ZFPM2: variants seen among roughly 807,000 people sequenced by gnomAD.
The protein encoded by ZFPM2 is zinc finger protein ZFPM2.
ZFPM2 carries 20 observed loss-of-function variants against 98.6 expected under a neutral mutation model. That is an observed-to-expected ratio of 0.20 (90% CI 0.14 to 0.29). The LOEUF (loss-of-function observed/expected upper bound fraction) is 0.29, where lower values mean the gene tolerates loss of function less well. Ranked by LOEUF, ZFPM2 falls within the 10% of genes least tolerant of loss-of-function variation. The probability of loss-of-function intolerance (pLI) is 1.00; values close to 1 mark genes in which losing one functional copy is unlikely to be tolerated. For synonymous variants in ZFPM2, 518 were observed against 502.7 expected (o/e 1.03, Z -0.41); for missense variants, 1,310 against 1,388.6 (o/e 0.94, Z 0.90).
chr8:105,464,557 C>T (rs1302114785), intron 3 of ZFPM2, among the ~76,000 whole-genome samples: 1 of 151,934 alleles, frequency 6.6e-6, no homozygotes, highest in Non-Finnish European at 1.5e-5. Flanking sequence ...AATGCAGGCT[C>T]CTGATGAGAC....
chr8:105,666,857 A>G (rs767331972), intron 5 of ZFPM2, among the ~76,000 whole-genome samples: 4 of 152,052 alleles, frequency 2.6e-5, no homozygotes, highest in Non-Finnish European at 4.4e-5. Flanking sequence ...TGATGGAGCA[A>G]TAAAATTTAA....
chr8:105,787,946 A>G (rs1429610643), intron 5 of ZFPM2, among the ~76,000 whole-genome samples: 1 of 152,210 alleles, frequency 6.6e-6, no homozygotes, highest in African/African-American at 2.4e-5. Context: ...ACAACATGTG[A>G]TCGTTGACAT....
intron 1 of ZFPM2, among the ~76,000 whole-genome samples, chr8:105,406,582 A>C (rs866532026): frequency 1.1e-4 from 16 of 152,156 alleles, no homozygotes; most frequent in Middle Eastern, 6.8e-3. Context: ...GGAGGGTCAT[A>C]ACTCAGATCT....
chr8:105,794,615 C>G (rs2131155515), intron 6 of ZFPM2, among the ~76,000 whole-genome samples: 1 of 152,320 alleles, frequency 6.6e-6, no homozygotes, highest in East Asian at 1.9e-4. Context: ...TCAAAGCTGT[C>G]AGACAGGGAC....
At chr8:105,595,099 A>G (rs571557593) in intron 4 of ZFPM2, among the ~76,000 whole-genome samples, 2 of 152,288 alleles carry the variant, frequency 1.3e-5, no homozygotes, top group South Asian at 4.1e-4. Flanking sequence ...TTAGAAAAGG[A>G]CAAAAATCAA....
chr8:105,348,853 T>G (rs2129700382), intron 1 of ZFPM2, among the ~76,000 whole-genome samples: 1 of 152,314 alleles, frequency 6.6e-6, no homozygotes, highest in East Asian at 1.9e-4. Context: ...TTTGATTTTA[T>G]TTGCAAATGA....
chr8:105,725,385 A>G (rs1811783723), intron 5 of ZFPM2, among the ~76,000 whole-genome samples: 1 of 151,816 alleles, frequency 6.6e-6, no homozygotes, highest in South Asian at 2.1e-4. Flanking sequence ...AAGTTAGAAT[A>G]ACGTATTTTT....
intron 5 of ZFPM2, among the ~76,000 whole-genome samples, chr8:105,770,924 T>C (rs1184192869): frequency 6.6e-6 from 1 of 152,168 alleles, no homozygotes; most frequent in African/African-American, 2.4e-5. Context: ...AATCTCCTTA[T>C]CTTTCCTCTA....
intron 3 of ZFPM2, among the ~76,000 whole-genome samples, chr8:105,508,732 T>G (rs747794269): frequency 6.6e-6 from 1 of 152,160 alleles, no homozygotes; most frequent in Non-Finnish European, 1.5e-5. Flanking sequence ...ATGCTTGATT[T>G]ACTTTAATTT....
chr8:105,621,531 C>A (rs1816546513), intron 4 of ZFPM2, among the ~76,000 whole-genome samples: 1 of 152,124 alleles, frequency 6.6e-6, no homozygotes, highest in Admixed American at 6.5e-5. Context: ...TTTCTCCTGC[C>A]TGATTGCCCT....
chr8:105,618,435 A>G (rs1315199783), intron 4 of ZFPM2, among the ~76,000 whole-genome samples: 1 of 152,150 alleles, frequency 6.6e-6, no homozygotes, highest in African/African-American at 2.4e-5. Flanking sequence ...AATTGATTAA[A>G]AAAAGTAATG....
chr8:105,471,039 T>A (rs1812893187), intron 3 of ZFPM2, among the ~76,000 whole-genome samples: 1 of 152,202 alleles, frequency 6.6e-6, no homozygotes, highest in Non-Finnish European at 1.5e-5. Context: ...ATTGAAAATC[T>A]TTTTTCTGCA....
At chr8:105,604,142 T>G (rs1816148852) in intron 4 of ZFPM2, among the ~76,000 whole-genome samples, 2 of 151,988 alleles carry the variant, frequency 1.3e-5, no homozygotes, top group Admixed American at 1.3e-4. Flanking sequence ...CTAAGATGAC[T>G]CCTATCTGAA....
rs1201294770 is a variant in ZFPM2, at chr8:105,796,695, A to G, written c.740-2029A>G. On this transcript the variant is annotated intron_variant, in intron 6 of 7. Transcript: ENST00000407775. ...AACCATAAATAACAGTTCACAAATT[A>G]TAAGATCAGCCATTTCTGCAGAGTT... 5 of 152,136 alleles carry G rather than the reference A, an allele frequency of 3.3e-5. 1 individual carries two copies. The highest frequency in any genetic ancestry group is 4.8e-5 in the African/African-American group (2 of 41,414). The allele number at this position is 152,136 out of a possible 1,614,324, so 9.4% of individuals were successfully genotyped here.
At chr8:105,432,120 A>G (rs1812033109) in intron 2 of ZFPM2, among the ~76,000 whole-genome samples, 1 of 152,120 alleles carries the variant, frequency 6.6e-6, no homozygotes, top group Admixed American at 6.5e-5. Context: ...CATAAGGCTA[A>G]GGACAGGAAA....
intron 4 of ZFPM2, among the ~76,000 whole-genome samples, chr8:105,572,592 C>T (rs1815381622): frequency 1.3e-5 from 2 of 151,958 alleles, no homozygotes; most frequent in African/African-American, 2.4e-5. Context: ...CTCAGCCTCT[C>T]GAGTAGCTGG....
chr8:105,548,337 A>G (rs865850012), intron 3 of ZFPM2, among the ~76,000 whole-genome samples: 11 of 152,164 alleles, frequency 7.2e-5, no homozygotes, highest in African/African-American at 2.4e-4. Context: ...TAAGAGTAAT[A>G]TAATTTAAGT....
At chr8:105,641,512 T>G (rs552273205) in intron 5 of ZFPM2, among the ~76,000 whole-genome samples, 1 of 152,212 alleles carries the variant, frequency 6.6e-6, no homozygotes, top group African/African-American at 2.4e-5. Flanking sequence ...AAGGGGTTCT[T>G]AAGGTCAAGA....
At position 105,342,484 on chromosome 8, in the gene ZFPM2, T is replaced by G. The variant is rs376672792; in HGVS notation, c.40+23503T>G. 7.2e-5 allele frequency among the ~76,000 whole-genome samples: 11 copies of G among 152,060 alleles called. No individual in the cohort carries two copies. In the East Asian group the frequency reaches 1.9e-3, roughly 27 times the overall value. ...TCAGAGCAGACGGATTCAAGAGGAA[T>G]GTGTGAGACATTCGGATGCTCACTA... On this transcript the variant is annotated intron_variant, in intron 1 of 7. Coordinates refer to ENST00000407775, the MANE Select transcript of ZFPM2 (RefSeq NM_012082.4).
Sources: allele counts gnomAD v4.1 joint callset (sites outside exome capture counted in the v4.1 genomes callset), GRCh38; gene constraint gnomAD v4.1.1; transcripts MANE v1.5; gene names NCBI Gene and HGNC (gene_info 2026-07-23, HGNC 2026-07-21).